TNKS2: variants seen among roughly 807,000 people sequenced by gnomAD.
TNKS2 encodes the protein poly [ADP-ribose] polymerase tankyrase-2.
TNKS2 carries 72 observed loss-of-function variants against 137.6 expected under a neutral mutation model. The ratio of observed to expected loss-of-function variants is 0.52; its 90% CI spans 0.43 to 0.64. TNKS2 has a LOEUF of 0.64. Ranked by LOEUF, TNKS2 falls within the 30% of genes least tolerant of loss-of-function variation. TNKS2 has a pLI of 0.00. For synonymous variants in TNKS2, 516 were observed against 512.1 expected (o/e 1.01, Z -0.10); for missense variants, 1,049 against 1,410.2 (o/e 0.74, Z 4.10).
At chr10:91,813,586 G>A (rs1360126448) in intron 2 of TNKS2, among the ~76,000 whole-genome samples, 1 of 152,130 alleles carries the variant, frequency 6.6e-6, no homozygotes, top group Admixed American at 6.5e-5. Flanking sequence ...CTTTCCAGTG[G>A]GGAAAGGGTT....
intron 16 of TNKS2, among the ~76,000 whole-genome samples, chr10:91,844,449 T>C (rs1842304284): frequency 5.9e-5 from 9 of 152,210 alleles, no homozygotes; most frequent in Admixed American, 5.9e-4. Context: ...AAGCATGCTC[T>C]TGTGGCCTTC....
At chr10:91,801,707 C>T (rs960063845) in intron 1 of TNKS2, among the ~76,000 whole-genome samples, 5 of 152,162 alleles carry the variant, frequency 3.3e-5, no homozygotes, top group South Asian at 4.1e-4. Context: ...CTCCTGATCT[C>T]GTGATCCGCC....
intron 1 of TNKS2, among the ~76,000 whole-genome samples, chr10:91,808,402 GC>G (rs1844397965): frequency 6.6e-6 from 1 of 151,932 alleles, no homozygotes; most frequent in African/African-American, 2.4e-5. Flanking sequence ...GAAGTTGAGG[GC>G]CAGTTCATGA....
At chr10:91,847,954 T>C (rs966388959) in intron 18 of TNKS2, among the ~76,000 whole-genome samples, 13 of 152,242 alleles carry the variant, frequency 8.5e-5, no homozygotes, top group African/African-American at 2.4e-4. Context: ...ATATGTGTTT[T>C]GGAAGAGATG....
At position 91,798,502 on chromosome 10, in the gene TNKS2, G is replaced by A. The variant is rs1024637667; in HGVS notation, c.-189G>A. ...TCCGCCGCCGCGGGGCAGCCGGGGGGCAGGGAGCCCAGCGAGGGGCGCGCG... is the reference window on the plus strand; with the variant it reads ...TCCGCCGCCGCGGGGCAGCCGGGGGACAGGGAGCCCAGCGAGGGGCGCGCG... On this transcript the variant is annotated 5_prime_UTR_variant, in exon 1 of 27. Coordinates refer to ENST00000371627, the MANE Select transcript of TNKS2 (RefSeq NM_025235.4). 6 of 553,170 alleles carry A rather than the reference G, an allele frequency of 1.1e-5. No individual in the cohort carries two copies. Among genetic ancestry groups the A allele is most frequent in the South Asian group, 9.3e-5 (1 of 10,758 alleles). The allele number at this position is 553,170 out of a possible 1,614,324, so 34.3% of individuals were successfully genotyped here.
intron 1 of TNKS2, among the ~76,000 whole-genome samples, chr10:91,802,257 G>A (rs1157259894): frequency 6.6e-6 from 1 of 152,166 alleles, no homozygotes; most frequent in Non-Finnish European, 1.5e-5. Context: ...TGGAATCAGA[G>A]CATCCAGAAT....
chr10:91,825,501 T>C (rs1356859732), intron 7 of TNKS2, among the ~76,000 whole-genome samples: 1 of 152,194 alleles, frequency 6.6e-6, no homozygotes, highest in Non-Finnish European at 1.5e-5. Context: ...ATGAGTGCCC[T>C]TTATGATGTC....
At chr10:91,837,024 T>C in intron 13 of TNKS2, 26 bp downstream of exon 13, 2 of 1,605,950 alleles carry the variant, frequency 1.2e-6, no homozygotes, top group Non-Finnish European at 1.7e-6. Context: ...ACGTTTCTGT[T>C]AACTTTGGGT....
chr10:91,852,256 AT>A (rs1842562119), intron 21 of TNKS2, among the ~76,000 whole-genome samples: 1 of 149,380 alleles, frequency 6.7e-6, no homozygotes, highest in South Asian at 2.1e-4. Flanking sequence ...ATATAAAAAA[AT>A]AAAAAGGTTA....
Position 91,845,952 on chromosome 10 carries a change from G to C in TNKS2, c.2358+12G>C, listed in dbSNP as rs1209077297. 1 of 1,503,754 alleles carries C rather than the reference G, an allele frequency of 6.7e-7. No individual in the cohort carries two copies. The highest frequency in any genetic ancestry group is 1.4e-5 in the African/African-American group (1 of 72,402). The allele number at this position is 1,503,754 out of a possible 1,614,324, so 93.2% of individuals were successfully genotyped here. On this transcript the variant is annotated intron_variant, in intron 18 of 26. Coordinates refer to ENST00000371627, the MANE Select transcript of TNKS2 (RefSeq NM_025235.4). ...TAGATTTAGTTTCAGTAAGTGATGGGCTTTTTGAAAAATCTCAGTGCTTTT... is the reference window on the plus strand; with the variant it reads ...TAGATTTAGTTTCAGTAAGTGATGGCCTTTTTGAAAAATCTCAGTGCTTTT...
At chr10:91,854,120 A>G (rs1198774925) in intron 21 of TNKS2, among the ~76,000 whole-genome samples, 1 of 147,648 alleles carries the variant, frequency 6.8e-6, no homozygotes, top group Non-Finnish European at 1.5e-5. Flanking sequence ...TATACATTCA[A>G]TAGGTGGTAA....
intron 25 of TNKS2, among the ~76,000 whole-genome samples, chr10:91,861,138 A>G (rs1164286890): frequency 6.6e-6 from 1 of 152,172 alleles, no homozygotes; most frequent in East Asian, 1.9e-4. Context: ...AGGGGAGACT[A>G]CCAGTTTACT....
intron 11 of TNKS2, among the ~76,000 whole-genome samples, chr10:91,832,559 T>C (rs928631997): frequency 3.3e-5 from 5 of 151,958 alleles, no homozygotes; most frequent in African/African-American, 1.2e-4. Flanking sequence ...GCATTTTAAA[T>C]CCATTTTTCA....
chr10:91,837,506 C>T lies in TNKS2; in HGVS notation c.1527+508C>T, dbSNP rs764702454. 4.6e-5 allele frequency among the ~76,000 whole-genome samples: 7 copies of T among 152,168 alleles called. No individual in the cohort carries two copies. In the East Asian group the frequency reaches 5.8e-4, roughly 13 times the overall value. ...CAACTTCAGGTCTTACCTGTTTCTC[C>T]GACAAGAGTCTTCCCCAGAGTAACC... On this transcript the variant is annotated intron_variant, in intron 13 of 26. Coordinates refer to ENST00000371627, the MANE Select transcript of TNKS2 (RefSeq NM_025235.4).
At chr10:91,832,405 C>T (rs561256356) in intron 11 of TNKS2, among the ~76,000 whole-genome samples, 3 of 152,004 alleles carry the variant, frequency 2.0e-5, no homozygotes, top group African/African-American at 7.2e-5. Flanking sequence ...GTGCTAAAAC[C>T]AGGAAAGTCC....
intron 2 of TNKS2, among the ~76,000 whole-genome samples, chr10:91,815,215 G>A (rs1242011192): frequency 6.6e-6 from 1 of 152,128 alleles, no homozygotes; most frequent in Non-Finnish European, 1.5e-5. Context: ...GAAAGTCCAG[G>A]TGTTCTATGC....
chr10:91,817,244 T>C lies in TNKS2; in HGVS notation c.520+15T>C. ...AGTGCTTACTGGTAAGTCTGTATACTCTGGTTATTCCAGGAAGCCTGTAAA... is the reference window on the plus strand; with the variant it reads ...AGTGCTTACTGGTAAGTCTGTATACCCTGGTTATTCCAGGAAGCCTGTAAA... On this transcript the variant is annotated intron_variant, in intron 3 of 26. Coordinates refer to ENST00000371627, the MANE Select transcript of TNKS2 (RefSeq NM_025235.4). 1 of 1,591,702 alleles carries C rather than the reference T, an allele frequency of 6.3e-7. No homozygotes were observed. The highest frequency in any genetic ancestry group is 8.6e-7 in the Non-Finnish European group (1 of 1,164,126).
At chr10:91,836,080 T>A (rs1474276959) in intron 12 of TNKS2, among the ~76,000 whole-genome samples, 1 of 148,474 alleles carries the variant, frequency 6.7e-6, no homozygotes, top group Non-Finnish European at 1.5e-5. Flanking sequence ...TTCACTCTTG[T>A]TGCCCAGGCT....
intron 13 of TNKS2, among the ~76,000 whole-genome samples, chr10:91,837,924 A>G (rs909318094): frequency 6.6e-6 from 1 of 150,560 alleles, no homozygotes; most frequent in African/African-American, 2.4e-5. Context: ...CGAAAGGAGG[A>G]TTTTGTTTCT....
Sources: gnomAD v4.1 joint callset for allele counts (sites outside exome capture counted in the v4.1 genomes callset) on GRCh38, gnomAD v4.1.1 for gene constraint, MANE v1.5 for transcripts, NCBI Gene and HGNC (gene_info 2026-07-23, HGNC 2026-07-21) for gene names.